The following TINAG variants were observed in gnomAD, a reference collection of about 807,000 sequenced individuals.
TINAG encodes tubulointerstitial nephritis antigen.
Under a neutral mutation model 72.7 loss-of-function variants are expected in TINAG, and 83 were observed. The observed-to-expected ratio is 1.14, with a 90% CI of 0.96 to 1.37. The LOEUF is 1.37. Among genes scored for constraint, TINAG ranks in the 40% most tolerant of loss-of-function variants. The pLI is 0.00. For synonymous variants in TINAG, 234 were observed against 189.9 expected (o/e 1.23, Z -1.91); for missense variants, 685 against 576.6 (o/e 1.19, Z -1.93).
At chr6:54,387,929 T>C (rs530293994) in intron 10 of TINAG, among the ~76,000 whole-genome samples, 3 of 152,150 alleles carry the variant, frequency 2.0e-5, no homozygotes, top group Non-Finnish European at 4.4e-5. Context: ...TTTTACAGTG[T>C]CTTACTCTTT....
chr6:54,308,980 T>C, intron 1 of TINAG, 75 bp downstream of exon 1: 1 of 1,234,098 alleles, frequency 8.1e-7, no homozygotes, highest in Non-Finnish European at 1.1e-6. Context: ...TCTCTTTTTC[T>C]TCTTTCTTTT....
chr6:54,321,435 G>A (rs1016638666), intron 3 of TINAG, 49 bp downstream of exon 3: 1 of 1,326,400 alleles, frequency 7.5e-7, no homozygotes, highest in African/African-American at 1.5e-5. Flanking sequence ...CATTTACTAT[G>A]CAGGTTTCAA....
intron 10 of TINAG, among the ~76,000 whole-genome samples, chr6:54,387,659 T>C (rs1226077307): frequency 6.6e-6 from 1 of 152,134 alleles, no homozygotes; most frequent in Non-Finnish European, 1.5e-5. Context: ...CATGTATAAA[T>C]TTACTAAGTT....
At chr6:54,342,309 GCTCTTAAGAAAC>G (rs1328385210) in intron 4 of TINAG, among the ~76,000 whole-genome samples, 1 of 151,592 alleles carries the variant, frequency 6.6e-6, no homozygotes, top group Admixed American at 6.6e-5. Flanking sequence ...TTTAACCTGG[GCTCTTAAGAAAC>G]CATAATTTTG....
At chr6:54,368,310 TAATTATTAAGTAATAATCA>T (rs1282888562) in intron 9 of TINAG, among the ~76,000 whole-genome samples, 1 of 147,760 alleles carries the variant, frequency 6.8e-6, no homozygotes, top group Non-Finnish European at 1.5e-5. Context: ...TATATTAAAG[TAATTATTAAGTAATAATCA>T]AATAATAATT....
chr6:54,347,628 A>G, intron 6 of TINAG, 111 bp downstream of exon 6: 24 of 1,050,194 alleles, frequency 2.3e-5, no homozygotes, highest in Non-Finnish European at 3.2e-5. Context: ...AAATATATAT[A>G]CTACATCTAC....
At chr6:54,347,840 T>A (rs1217338690) in intron 6 of TINAG, among the ~76,000 whole-genome samples, 1 of 152,056 alleles carries the variant, frequency 6.6e-6, no homozygotes, top group Non-Finnish European at 1.5e-5. Flanking sequence ...ATAATCAGGG[T>A]TGCTGATCTC....
At chr6:54,369,590 A>G (rs1582750021) in intron 9 of TINAG, among the ~76,000 whole-genome samples, 1 of 151,970 alleles carries the variant, frequency 6.6e-6, no homozygotes, top group Non-Finnish European at 1.5e-5. Context: ...TGGCTGTATT[A>G]GGACTAGGAG....
At chr6:54,372,375 C>T (rs552070073) in intron 9 of TINAG, among the ~76,000 whole-genome samples, 1 of 152,084 alleles carries the variant, frequency 6.6e-6, no homozygotes, top group South Asian at 2.1e-4. Context: ...TACAGTGCTA[C>T]CTTCCAAAGT....
rs535132699 is a variant in TINAG, at chr6:54,345,677, G to A, written c.749-1690G>A. Among the ~76,000 whole-genome samples the A allele has an allele frequency of 1.2e-4, 19 of 152,106 alleles. 1 individual carries two copies. The highest frequency in any genetic ancestry group is 3.1e-4 in the African/African-American group (13 of 41,520). On this transcript the variant is annotated intron_variant, in intron 5 of 10. Coordinates refer to ENST00000259782, the MANE Select transcript of TINAG (RefSeq NM_014464.4). The stretch of plus-strand genomic sequence containing the variant: ...TATTTTCTTGAGACTATCAGAAGTC[G>A]TGTAATGCCATTTGCTCCTGTGAAA...
chr6:54,346,354 A>G (rs969953889), intron 5 of TINAG, among the ~76,000 whole-genome samples: 2 of 152,002 alleles, frequency 1.3e-5, no homozygotes, highest in African/African-American at 4.8e-5. Flanking sequence ...ACTAATAACA[A>G]TTACAATTCT....
intron 9 of TINAG, among the ~76,000 whole-genome samples, chr6:54,368,304 TTAAAG>T (rs1446415825): frequency 6.8e-6 from 1 of 147,740 alleles, no homozygotes; most frequent in African/African-American, 2.4e-5. Context: ...ATGTTATATA[TTAAAG>T]TAATTATTAA....
At chr6:54,349,655 A>G (rs1785212203) in intron 6 of TINAG, 61 bp from the exon 7 acceptor site, 2 of 1,353,768 alleles carry the variant, frequency 1.5e-6, no homozygotes, top group South Asian at 1.7e-5. Context: ...GATTAAATAT[A>G]AAAAGGATAT....
intron 6 of TINAG, 104 bp from the exon 7 acceptor site, chr6:54,349,612 A>G (rs1785211403): frequency 9.1e-7 from 1 of 1,098,692 alleles, no homozygotes; most frequent in African/African-American, 1.6e-5. Context: ...CATGTAAGTA[A>G]CCAGAATAAT....
intron 1 of TINAG, among the ~76,000 whole-genome samples, chr6:54,315,183 G>A (rs181766871): frequency 2.6e-5 from 4 of 152,020 alleles, no homozygotes; most frequent in African/African-American, 9.7e-5. Flanking sequence ...AGTTACATGG[G>A]TATTGTTCAG....
At chr6:54,386,279 A>G (rs2150986057) in intron 10 of TINAG, among the ~76,000 whole-genome samples, 1 of 152,322 alleles carries the variant, frequency 6.6e-6, no homozygotes, top group South Asian at 2.1e-4. Context: ...CAGATTTAGC[A>G]GATTGAAACA....
chr6:54,349,941 T>A (rs570409208), intron 7 of TINAG, 45 bp downstream of exon 7: 1 of 1,365,386 alleles, frequency 7.3e-7, no homozygotes, highest in African/African-American at 1.5e-5. Context: ...CTTTCTCAAA[T>A]GTATATAGCT....
intron 9 of TINAG, among the ~76,000 whole-genome samples, chr6:54,355,203 T>C (rs978969701): frequency 3.9e-5 from 6 of 151,924 alleles, no homozygotes; most frequent in Admixed American, 3.3e-4. Flanking sequence ...TGAAAGACAG[T>C]GTGGTTATGA....
chr6:54,309,520 G>A (rs2150925317), intron 1 of TINAG, among the ~76,000 whole-genome samples: 1 of 152,242 alleles, frequency 6.6e-6, no homozygotes, highest in East Asian at 1.9e-4. Context: ...AAGAAAGGAA[G>A]GCTTCATATA....
Sources: allele counts gnomAD v4.1 joint callset (sites outside exome capture counted in the v4.1 genomes callset), GRCh38; gene constraint gnomAD v4.1.1; transcripts MANE v1.5; gene names NCBI Gene and HGNC (gene_info 2026-07-23, HGNC 2026-07-21).